The following TULP4 variants were observed in gnomAD, a reference collection of about 807,000 sequenced individuals.
The protein encoded by TULP4 is TUB like protein 4, also known as tubby-related protein 4.
TULP4 carries 16 observed loss-of-function variants against 129.0 expected under a neutral mutation model. That is an observed-to-expected ratio of 0.12 (90% CI 0.08 to 0.19). TULP4 has a LOEUF of 0.19. Ranked by LOEUF, TULP4 falls within the 10% of genes least tolerant of loss-of-function variation. TULP4 has a pLI of 1.00. For synonymous variants in TULP4, 998 were observed against 854.0 expected (o/e 1.17, Z -2.94); for missense variants, 1,842 against 2,059.1 (o/e 0.89, Z 2.04).
chr6:158,300,290 C>T (rs1229001391), intron 1 of TULP4, among the ~76,000 whole-genome samples: 1 of 152,142 alleles, frequency 6.6e-6, no homozygotes, highest in Non-Finnish European at 1.5e-5. Context: ...GGAGTTTTTC[C>T]CTAACACTGG....
At chr6:158,289,391 T>G (rs1778890519) in intron 1 of TULP4, among the ~76,000 whole-genome samples, 1 of 152,086 alleles carries the variant, frequency 6.6e-6, no homozygotes, top group Non-Finnish European at 1.5e-5. Flanking sequence ...TTTTTTTTCT[T>G]TTTATTTATT....
At chr6:158,368,008 A>ACC (rs1776968199) in intron 1 of TULP4, among the ~76,000 whole-genome samples, 1 of 138,938 alleles carries the variant, frequency 7.2e-6, no homozygotes, top group Admixed American at 7.9e-5. Flanking sequence ...TATGAGGATC[A>ACC]CCCAAGCCCA....
intron 1 of TULP4, among the ~76,000 whole-genome samples, chr6:158,367,020 A>G (rs948083305): frequency 7.9e-5 from 12 of 151,574 alleles, no homozygotes; most frequent in Admixed American, 6.6e-5. Context: ...TGCCTTCCCA[A>G]TTCTTATTTT....
At chr6:158,424,252 ATACTTACT>A (rs758945842) in intron 2 of TULP4, among the ~76,000 whole-genome samples, 4 of 152,070 alleles carry the variant, frequency 2.6e-5, no homozygotes, top group Non-Finnish European at 4.4e-5. Flanking sequence ...ATCATCTTGT[ATACTTACT>A]TATTTACTTA....
intron 5 of TULP4, among the ~76,000 whole-genome samples, chr6:158,453,799 A>AG (rs1243540618): frequency 6.7e-6 from 1 of 149,790 alleles, no homozygotes; most frequent in Non-Finnish European, 1.5e-5. Context: ...GGAAAAAAAA[A>AG]AAAAAAAGCC....
chr6:158,457,427 A>G (rs1166042573), intron 5 of TULP4, among the ~76,000 whole-genome samples: 1 of 152,080 alleles, frequency 6.6e-6, no homozygotes, highest in Non-Finnish European at 1.5e-5. Flanking sequence ...TTAGGCTCTG[A>G]TTTTGCTTGG....
chr6:158,235,538 A>G (rs1021031712), intron 1 of TULP4, among the ~76,000 whole-genome samples: 1 of 152,174 alleles, frequency 6.6e-6, no homozygotes, highest in African/African-American at 2.4e-5. Context: ...TCTAGAGACA[A>G]GGTCTCACTA....
chr6:158,465,036 C>G (rs374842078), intron 6 of TULP4, among the ~76,000 whole-genome samples: 9 of 152,132 alleles, frequency 5.9e-5, no homozygotes, highest in Non-Finnish European at 2.9e-5. Flanking sequence ...CTTATTGCTA[C>G]GAAGAGTCAG....
At position 158,503,075 on chromosome 6, in the gene TULP4, A is replaced by G. The variant is rs770624797; in HGVS notation, c.3412A>G (p.Arg1138Gly). The change falls in exon 13 of 14, where the codon AGG (arginine) becomes GGG (glycine). Residue 1138 changes from arginine to glycine, a missense_variant. Arg to Gly is a moderately radical substitution (Grantham distance 125). Around this residue, in one of 5 missense-constraint regions of TULP4, gnomAD observed 1,089 missense variants for 987.1 expected, o/e 1.10. Transcript: ENST00000367097. This position sits in a 1 kb window ranked among gnomAD's most constrained non-coding sequence, Gnocchi z 4.3. ...TGAGGATGTTTGGGTTCCTCAAGAAAGGACAGCACAGACTTCAGGGCCCAA... is the reference window on the plus strand; with the variant it reads ...TGAGGATGTTTGGGTTCCTCAAGAAGGGACAGCACAGACTTCAGGGCCCAA... ...LGEDVWVPQE[R>G]TAQTSGPNPL... 3 of 1,614,000 alleles carry G rather than the reference A, an allele frequency of 1.9e-6. No individual in the cohort carries two copies. The highest frequency in any genetic ancestry group is 1.6e-4 in the Middle Eastern group (1 of 6,084).
chr6:158,389,278 C>G (rs1248743479), intron 1 of TULP4, among the ~76,000 whole-genome samples: 1 of 152,120 alleles, frequency 6.6e-6, no homozygotes, highest in Non-Finnish European at 1.5e-5. Context: ...GGGTGAAACC[C>G]CTTCTCTACA....
chr6:158,459,259 C>T lies in TULP4; in HGVS notation c.860-2304C>T, dbSNP rs147239186. ...CAGCCTGACCAACATGGAGAAAACC[C>T]GTCTCTACTGAAAATACAAAATTAG... On this transcript the variant is annotated intron_variant, in intron 5 of 13. Coordinates refer to ENST00000367097, the MANE Select transcript of TULP4 (RefSeq NM_020245.5). Among the ~76,000 whole-genome samples, 540 of 152,106 alleles carry T rather than the reference C, an allele frequency of 3.6e-3. 2 individuals are homozygous for T. The highest frequency in any genetic ancestry group is 0.012 in the African/African-American group (488 of 41,482).
chr6:158,478,796 C>T (rs1779874788), intron 6 of TULP4, among the ~76,000 whole-genome samples: 1 of 152,182 alleles, frequency 6.6e-6, no homozygotes. Context: ...CACCCCTGAG[C>T]TTTGGATTTT....
chr6:158,425,153 C>CAAA lies in TULP4; in HGVS notation c.382-4558_382-4556dup, dbSNP rs562712423. On this transcript the variant is annotated intron_variant, in intron 2 of 13. Transcript: ENST00000367097. Reference sequence around the variant, plus strand: ...TGGGTGGCAGAGTGAGACACCATCTCAAAAAAAAAAAAAAAAAAAAAAAAA... The same window carrying CAAA: ...TGGGTGGCAGAGTGAGACACCATCTCAAAAAAAAAAAAAAAAAAAAAAAAAAAA... 6.5e-4 allele frequency among the ~76,000 whole-genome samples: 26 copies of CAAA among 39,804 alleles called. 3 individuals are homozygous for CAAA. Among genetic ancestry groups the CAAA allele is most frequent in the South Asian group, 2.3e-3 (1 of 430 alleles). 26.1% of individuals were successfully genotyped at this position (39,804 alleles called of 152,430 possible). A position where few individuals can be genotyped will look rare whatever the true frequency, so the allele number is the denominator to read the frequency against.
At chr6:158,370,443 A>G (rs1777046064) in intron 1 of TULP4, among the ~76,000 whole-genome samples, 2 of 142,000 alleles carry the variant, frequency 1.4e-5, no homozygotes, top group Non-Finnish European at 1.5e-5. Context: ...GACAACAAGA[A>G]CAAAACTCCA....
chr6:158,410,055 C>T (rs866135661), intron 1 of TULP4, among the ~76,000 whole-genome samples: 2 of 152,220 alleles, frequency 1.3e-5, no homozygotes. Context: ...GGGGTTTCAC[C>T]GTGTTAGCCA....
At chr6:158,238,266 CT>C in intron 1 of TULP4, 4 of 1,129,678 alleles carry the variant, frequency 3.5e-6, no homozygotes, top group Non-Finnish European at 5.3e-6. Flanking sequence ...AGCTCTATTG[CT>C]TTTGTGTGCT....
intron 1 of TULP4, among the ~76,000 whole-genome samples, chr6:158,246,023 G>GGTGTGTGTGTGTGTGTGTGTGT (rs66690741): frequency 1.9e-4 from 28 of 145,918 alleles, no homozygotes; most frequent in Admixed American, 4.1e-4. Flanking sequence ...ACCCCTTAGG[G>GGTGTGTGTGTGTGTGTGTGTGT]GTGTGTGTGT....
At chr6:158,430,680 A>C (rs1173614916) in intron 3 of TULP4, among the ~76,000 whole-genome samples, 1 of 152,160 alleles carries the variant, frequency 6.6e-6, no homozygotes, top group Non-Finnish European at 1.5e-5. Context: ...TGGGAGGTGG[A>C]GGTTGCAGTG....
chr6:158,377,890 T>A (rs895122004), intron 1 of TULP4, among the ~76,000 whole-genome samples: 1 of 152,206 alleles, frequency 6.6e-6, no homozygotes, highest in South Asian at 2.1e-4. Context: ...TTTATTTAGC[T>A]CAGGATTCCG....
Sources: allele counts gnomAD v4.1 joint callset (sites outside exome capture counted in the v4.1 genomes callset), GRCh38; gene constraint gnomAD v4.1.1; regional missense constraint gnomAD v4.1.1; non-coding constraint Gnocchi (gnomAD v3.1); transcripts MANE v1.5; gene names NCBI Gene and HGNC (gene_info 2026-07-23, HGNC 2026-07-21).